Variants in GALNTL6 observed in about 807,000 individuals in gnomAD.
GALNTL6 encodes the protein polypeptide N-acetylgalactosaminyltransferase like 6.
Under a neutral mutation model 73.7 loss-of-function variants are expected in GALNTL6, and 46 were observed. The ratio of observed to expected loss-of-function variants is 0.62; its 90% CI spans 0.49 to 0.80. The LOEUF (loss-of-function observed/expected upper bound fraction) is 0.80, where lower values mean the gene tolerates loss of function less well. Ranked by LOEUF, GALNTL6 falls within the 30% of genes least tolerant of loss-of-function variation. The probability of loss-of-function intolerance (pLI) is 0.00; values close to 1 mark genes in which losing one functional copy is unlikely to be tolerated. For synonymous variants in GALNTL6, 259 were observed against 263.7 expected (o/e 0.98, Z 0.17); for missense variants, 604 against 755.0 (o/e 0.80, Z 2.34).
intron 5 of GALNTL6, among the ~76,000 whole-genome samples, chr4:172,755,439 A>T (rs751762772): frequency 6.6e-6 from 1 of 152,208 alleles, no homozygotes; most frequent in African/African-American, 2.4e-5. Context: ...TGTATCACAA[A>T]CATCAGATAA....
At chr4:171,838,311 G>A (rs945059761) in intron 2 of GALNTL6, among the ~76,000 whole-genome samples, 2 of 151,680 alleles carry the variant, frequency 1.3e-5, no homozygotes, top group African/African-American at 4.8e-5. Flanking sequence ...TTGGTAGAGA[G>A]GGGGTTTCAC....
At chr4:172,052,516 T>A in intron 2 of GALNTL6, 2 of 1,534,612 alleles carry the variant, frequency 1.3e-6, no homozygotes, top group Non-Finnish European at 1.7e-6. Context: ...ACGGAGTGCA[T>A]GAGCTGGTTT....
chr4:172,138,515 T>TATATATATATA (rs1560938392), intron 2 of GALNTL6, among the ~76,000 whole-genome samples: 2 of 6,254 alleles, frequency 3.2e-4, no homozygotes, highest in African/African-American at 6.0e-4. Flanking sequence ...ATATATATAT[T>TATATATATATA]TTTTTTTTTT....
chr4:172,399,785 T>G (rs909842535), intron 5 of GALNTL6, among the ~76,000 whole-genome samples: 4 of 152,154 alleles, frequency 2.6e-5, no homozygotes, highest in African/African-American at 9.6e-5. Context: ...AAATAGAATG[T>G]AACCAAAAAA....
Position 172,184,207 on chromosome 4 carries a change from C to T in GALNTL6, c.139-45449C>T, listed in dbSNP as rs1392978758. Reference sequence around the variant, plus strand: ...ACAAGGGCAACAAAGATGATGTCTCCCATTGCAGACATTGGTAGTGGTCCC... The same window carrying T: ...ACAAGGGCAACAAAGATGATGTCTCTCATTGCAGACATTGGTAGTGGTCCC... On this transcript the variant is annotated intron_variant, in intron 2 of 12. Coordinates refer to ENST00000506823, the MANE Select transcript of GALNTL6 (RefSeq NM_001034845.3). Among the ~76,000 whole-genome samples the T allele has an allele frequency of 2.0e-5, 3 of 152,136 alleles. 1 individual carries two copies. Among genetic ancestry groups the T allele is most frequent in the African/African-American group, 7.2e-5 (3 of 41,418 alleles).
At chr4:173,027,829 A>T (rs1406798094) in intron 12 of GALNTL6, among the ~76,000 whole-genome samples, 1 of 152,226 alleles carries the variant, frequency 6.6e-6, no homozygotes, top group Non-Finnish European at 1.5e-5. Context: ...AGTATTTTAA[A>T]AATGAATAGA....
intron 2 of GALNTL6, among the ~76,000 whole-genome samples, chr4:172,157,957 T>C (rs1239055564): frequency 6.6e-6 from 1 of 152,198 alleles, no homozygotes; most frequent in Non-Finnish European, 1.5e-5. Flanking sequence ...AGTAAATGAT[T>C]CATGTTGCGT....
intron 2 of GALNTL6, among the ~76,000 whole-genome samples, chr4:171,975,458 G>A (rs918830725): frequency 6.6e-6 from 1 of 152,134 alleles, no homozygotes; most frequent in African/African-American, 2.4e-5. Context: ...ACATACAAAG[G>A]TGAAGCTACT....
intron 5 of GALNTL6, among the ~76,000 whole-genome samples, chr4:172,483,568 T>A: frequency 6.6e-6 from 1 of 152,138 alleles, no homozygotes; most frequent in East Asian, 1.9e-4. Context: ...ATGAAAAAAA[T>A]TCATTTGCAG....
chr4:172,187,197 A>G (rs948276637), intron 2 of GALNTL6, among the ~76,000 whole-genome samples: 1 of 152,044 alleles, frequency 6.6e-6, no homozygotes, highest in Non-Finnish European at 1.5e-5. Flanking sequence ...ATATATTTCT[A>G]TTTTTCTATC....
intron 8 of GALNTL6, among the ~76,000 whole-genome samples, chr4:172,911,912 T>C (rs1263881167): frequency 6.6e-6 from 1 of 152,256 alleles, no homozygotes. Context: ...ACAGTTTACA[T>C]GGCATTCAGT....
intron 2 of GALNTL6, among the ~76,000 whole-genome samples, chr4:171,867,989 C>CTTTTTTTTTTTTTTT (rs35316583): frequency 7.3e-6 from 1 of 136,746 alleles, no homozygotes; most frequent in Non-Finnish European, 1.5e-5. Context: ...TTTTGAGGTG[C>CTTTTTTTTTTTTTTT]TTTTTTTTTT....
chr4:172,707,370 A>G (rs745703126), intron 5 of GALNTL6, among the ~76,000 whole-genome samples: 1 of 152,166 alleles, frequency 6.6e-6, no homozygotes, highest in Non-Finnish European at 1.5e-5. Flanking sequence ...GATCTGCCCT[A>G]TTGACACACC....
At chr4:172,912,536 T>A (rs1438828331) in intron 8 of GALNTL6, among the ~76,000 whole-genome samples, 5 of 152,284 alleles carry the variant, frequency 3.3e-5, no homozygotes, top group Non-Finnish European at 7.4e-5. Flanking sequence ...CTTTTCCAAT[T>A]GTCATAGCAA....
intron 5 of GALNTL6, among the ~76,000 whole-genome samples, chr4:172,538,698 G>A (rs1432097815): frequency 6.6e-6 from 1 of 151,984 alleles, no homozygotes; most frequent in East Asian, 1.9e-4. Context: ...TGAGAGTAAG[G>A]TCCAGAACTC....
Position 172,173,767 on chromosome 4 carries a change from T to C in GALNTL6, c.139-55889T>C, listed in dbSNP as rs116674937. ...ATTTAGCCATTTGATAGTATGTCTT[T>C]TTCAGGGATGATAGGGAAAAGACAT... is the stretch of plus-strand genomic sequence containing the variant. On this transcript the variant is annotated intron_variant, in intron 2 of 12. Coordinates refer to ENST00000506823, the MANE Select transcript of GALNTL6 (RefSeq NM_001034845.3). Among the ~76,000 whole-genome samples, 629 of 152,318 alleles carry C rather than the reference T, an allele frequency of 4.1e-3. 6 individuals are homozygous for C. Among genetic ancestry groups the C allele is most frequent in the African/African-American group, 0.014 (584 of 41,566 alleles).
intron 2 of GALNTL6, among the ~76,000 whole-genome samples, chr4:172,143,293 C>T (rs1733847444): frequency 6.6e-6 from 1 of 151,816 alleles, no homozygotes; most frequent in African/African-American, 2.4e-5. Flanking sequence ...TATAGGAAAT[C>T]TATCTTTTGA....
intron 2 of GALNTL6, among the ~76,000 whole-genome samples, chr4:172,024,374 A>G (rs1335239102): frequency 6.6e-6 from 1 of 151,812 alleles, no homozygotes; most frequent in Admixed American, 6.6e-5. Context: ...TACTGTTTAA[A>G]AGGCTTGCCT....
chr4:172,503,676 G>A (rs552829180), intron 5 of GALNTL6, among the ~76,000 whole-genome samples: 30 of 151,500 alleles, frequency 2.0e-4, no homozygotes, highest in African/African-American at 6.1e-4. Context: ...TGTTACAGAA[G>A]TGAATTCAAC....
Sources: allele counts gnomAD v4.1 joint callset (sites outside exome capture counted in the v4.1 genomes callset), GRCh38; gene constraint gnomAD v4.1.1; transcripts MANE v1.5; gene names NCBI Gene and HGNC (gene_info 2026-07-23, HGNC 2026-07-21).